The following PLEKHA6 variants were observed in gnomAD, a reference collection of about 807,000 sequenced individuals.
PLEKHA6 encodes pleckstrin homology domain containing A6, also known as pleckstrin homology domain-containing family A member 6.
PLEKHA6 carries 60 observed loss-of-function variants against 116.7 expected under a neutral mutation model. The observed-to-expected ratio is 0.51, with a 90% CI of 0.42 to 0.64. The LOEUF (loss-of-function observed/expected upper bound fraction) is 0.64. PLEKHA6 is among the 30% of genes least tolerant of loss of function. The pLI, the probability that PLEKHA6 is intolerant of heterozygous loss-of-function variation, is 0.00. For missense variants in PLEKHA6, 1,338 were observed against 1,422.7 expected, an observed-to-expected ratio of 0.94 and a Z score of 0.96; for synonymous variants, 489 against 556.1, an observed-to-expected ratio of 0.88 and a Z score of 1.70.
At chr1:204,311,491 CA>C (rs36122125) in intron 1 of PLEKHA6, 25,447 of 385,928 alleles carry the variant, frequency 0.066, no homozygotes, top group Non-Finnish European at 0.079. Context: ...AACTCTGTGT[CA>C]AAAAAAAAAA....
At chr1:204,326,401 G>C (rs1672245920) in intron 1 of PLEKHA6, among the ~76,000 whole-genome samples, 1 of 152,142 alleles carries the variant, frequency 6.6e-6, no homozygotes, top group South Asian at 2.1e-4. Flanking sequence ...AGACAATCGA[G>C]ACCCATATTC....
intron 12 of PLEKHA6, among the ~76,000 whole-genome samples, chr1:204,248,139 T>C (rs1368303175): frequency 7.0e-6 from 1 of 143,746 alleles, no homozygotes; most frequent in Non-Finnish European, 1.5e-5. Context: ...TGGGAAGTAG[T>C]GACCAGGGCA....
At chr1:204,275,233 A>G (rs529444952) in intron 1 of PLEKHA6, among the ~76,000 whole-genome samples, 1 of 152,288 alleles carries the variant, frequency 6.6e-6, no homozygotes, top group African/African-American at 2.4e-5. Context: ...ATTTGCTGAA[A>G]AAACTTTCTT....
chr1:204,283,194 AC>A (rs1668820224), intron 1 of PLEKHA6, among the ~76,000 whole-genome samples: 4 of 118,770 alleles, frequency 3.4e-5, no homozygotes, highest in African/African-American at 1.3e-4. Flanking sequence ...ACCCTGCCCC[AC>A]CCAACGAAAG....
rs1176682422 is a variant in PLEKHA6, at chr1:204,244,852, T to A, written c.2172+12A>T. On this transcript the variant is annotated intron_variant, in intron 15 of 22. Coordinates refer to ENST00000272203, the MANE Select transcript of PLEKHA6 (RefSeq NM_014935.5). Reference sequence around the variant, plus strand: ...CTCCCCCACCTACCTTCTACTCCATTTCTCAACTTACCTCGTTGGAGCCAG... The same window carrying A: ...CTCCCCCACCTACCTTCTACTCCATATCTCAACTTACCTCGTTGGAGCCAG... The A allele has an allele frequency of 6.4e-7, 1 of 1,560,748 alleles. No individual in the cohort carries two copies. The highest frequency in any genetic ancestry group is 1.8e-5 in the Admixed American group (1 of 54,200).
At chr1:204,227,304 G>A (rs1361259359) in intron 21 of PLEKHA6, among the ~76,000 whole-genome samples, 3 of 152,110 alleles carry the variant, frequency 2.0e-5, no homozygotes, top group African/African-American at 7.2e-5. Context: ...TCTATCCTAA[G>A]CACCTTTATC....
At chr1:204,375,648 G>A (rs12127342) in intron 1 of PLEKHA6, among the ~76,000 whole-genome samples, 179 of 152,176 alleles carry the variant, frequency 1.2e-3, no homozygotes, top group South Asian at 2.3e-3. Flanking sequence ...AGCTGCCAGA[G>A]ACAAGGCTCT....
intron 10 of PLEKHA6, 99 bp from the exon 11 acceptor site, chr1:204,249,363 C>T: frequency 1.2e-6 from 1 of 865,400 alleles, no homozygotes; most frequent in South Asian, 1.5e-5. Flanking sequence ...CTCTGGATAC[C>T]CCCCTCCTTT....
intron 1 of PLEKHA6, chr1:204,282,643 A>T: frequency 1.0e-6 from 1 of 985,214 alleles, no homozygotes; most frequent in Non-Finnish European, 1.2e-6. Context: ...AACTGTCTCA[A>T]CACTGAAGTG....
rs774309605 is a variant in PLEKHA6, at chr1:204,259,352, G to T, written c.913C>A (p.Pro305Thr). The T allele has an allele frequency of 3.7e-6, 6 of 1,614,244 alleles. No homozygotes were observed. Among genetic ancestry groups the T allele is most frequent in the Admixed American group, 3.3e-5 (2 of 60,032 alleles). ...CTCTTGCGCTGGGCAATTTTGTCAG[G>T]GTTGGTGCGTGGTGGGAAACTCCGC... Reference protein sequence around the residue: ...HRRSFPPRTNPDKIAQRKSSM... With the variant: ...HRRSFPPRTNTDKIAQRKSSM... Residue 305 changes from proline (P) to threonine (T), a missense_variant, in exon 8 of 23, where the codon CCT becomes ACT. Physicochemically the swap from Pro to Thr is conservative, Grantham distance 38 (BLOSUM62 -1). Transcript: ENST00000272203. The surrounding 1 kb of genome is among the most constrained non-coding windows in gnomAD (Gnocchi z 4.6).
intron 1 of PLEKHA6, among the ~76,000 whole-genome samples, chr1:204,287,344 T>A (rs1669303752): frequency 6.6e-6 from 1 of 151,858 alleles, no homozygotes; most frequent in Non-Finnish European, 1.5e-5. Flanking sequence ...CAAGGAATTC[T>A]TGTCCACACC....
chr1:204,335,589 G>A (rs1199306952), intron 1 of PLEKHA6, among the ~76,000 whole-genome samples: 3 of 152,064 alleles, frequency 2.0e-5, no homozygotes, highest in Non-Finnish European at 2.9e-5. Flanking sequence ...GACATTGAGG[G>A]AACACCATGC....
intron 1 of PLEKHA6, among the ~76,000 whole-genome samples, chr1:204,322,273 C>T (rs1672090339): frequency 6.6e-6 from 1 of 152,144 alleles, no homozygotes; most frequent in African/African-American, 2.4e-5. Flanking sequence ...AACACACTAA[C>T]AATGAGCGCC....
At chr1:204,351,892 G>A (rs574906189) in intron 1 of PLEKHA6, among the ~76,000 whole-genome samples, 3 of 152,216 alleles carry the variant, frequency 2.0e-5, no homozygotes, top group South Asian at 4.1e-4. Context: ...TGCCCAACAT[G>A]GTAAAAACTC....
In PLEKHA6 at chr1:204,247,477, C is replaced by A; in HGVS notation, c.1825-17G>T. 1 of 1,543,320 alleles carries A rather than the reference C, an allele frequency of 6.5e-7. No individual in the cohort carries two copies. Among genetic ancestry groups the A allele is most frequent in the Non-Finnish European group, 9.0e-7 (1 of 1,117,050 alleles). ...TGTCAGGGCCTACGGGGGAAAGAGG[C>A]GTTCACTGAGAAAGCCGCCATCACC... On this transcript the variant is annotated splice_polypyrimidine_tract_variant and intron_variant, in intron 12 of 22. Transcript: ENST00000272203.
At chr1:204,350,196 G>C (rs949827278) in intron 1 of PLEKHA6, among the ~76,000 whole-genome samples, 52 of 152,252 alleles carry the variant, frequency 3.4e-4, no homozygotes, top group African/African-American at 1.1e-3. Context: ...TGGCAAGCAC[G>C]TGTAGTCCCA....
chr1:204,228,747 T>A lies in PLEKHA6; in HGVS notation c.2866A>T (p.Thr956Ser). Residue 956 changes from threonine (T) to serine (S), a missense_variant, in exon 20 of 23, where the codon ACA (threonine) becomes TCA (serine). Physicochemically the swap from Thr to Ser is moderately conservative, Grantham distance 58. This residue lies in a region of PLEKHA6 where 1,136 missense variants were observed against 1,163.6 expected (regional missense o/e 0.98). Coordinates refer to ENST00000272203, the MANE Select transcript of PLEKHA6 (RefSeq NM_014935.5). The surrounding 1 kb of genome is among the most constrained non-coding windows in gnomAD (Gnocchi z 4.0). ...GGTTACCTGGATTTGGCAATGAGTG[T>A]CTTGATCCTCTCCACCTTCTTCTGC... is the stretch of plus-strand genomic sequence containing the variant. ...EKQKKVERIK[T>S]LIAKSSMQNV... The A allele has an allele frequency of 6.2e-7, 1 of 1,614,030 alleles. No homozygotes were observed. Among genetic ancestry groups the A allele is most frequent in the Non-Finnish European group, 8.5e-7 (1 of 1,179,942 alleles).
chr1:204,294,618 G>A (rs190772563), intron 1 of PLEKHA6, among the ~76,000 whole-genome samples: 2 of 152,300 alleles, frequency 1.3e-5, no homozygotes, highest in East Asian at 1.9e-4. Flanking sequence ...TTTTTATTGA[G>A]TTGAATCCGC....
chr1:204,325,908 G>A (rs960468286), intron 1 of PLEKHA6: 33 of 985,122 alleles, frequency 3.3e-5, no homozygotes, highest in Non-Finnish European at 3.9e-5. Context: ...GGCTGCCAAA[G>A]CCAAGCACCG....
Sources: allele counts gnomAD v4.1 joint callset (sites outside exome capture counted in the v4.1 genomes callset), GRCh38; gene constraint gnomAD v4.1.1; regional missense constraint gnomAD v4.1.1; non-coding constraint Gnocchi (gnomAD v3.1); transcripts MANE v1.5; gene names NCBI Gene and HGNC (gene_info 2026-07-23, HGNC 2026-07-21).